The following SRRM4 variants were observed in gnomAD, a reference collection of about 807,000 sequenced individuals.
The protein encoded by SRRM4 is serine/arginine repetitive matrix protein 4.
A neutral mutation model predicts 68.9 loss-of-function variants in SRRM4; 33 were observed. That is an observed-to-expected ratio of 0.48 (90% CI 0.36 to 0.64). The LOEUF (loss-of-function observed/expected upper bound fraction) is 0.64, where lower values mean the gene tolerates loss of function less well. SRRM4 is among the 30% of genes least tolerant of loss of function. The pLI is 0.00. For missense variants in SRRM4, 817 were observed against 827.1 expected, an observed-to-expected ratio of 0.99 and a Z score of 0.15; for synonymous variants, 318 against 318.8, an observed-to-expected ratio of 1.00 and a Z score of 0.03.
chr12:119,124,101 G>C (rs1954241734), intron 6 of SRRM4: 1 of 152,160 alleles, frequency 6.6e-6, no homozygotes, highest in South Asian at 2.1e-4. Flanking sequence ...CTATTTCATA[G>C]GTTATTATGA....
chr12:119,120,208 C>A, intron 4 of SRRM4, 42 bp from the exon 5 acceptor site: 1 of 1,333,886 alleles, frequency 7.5e-7, no homozygotes, highest in Non-Finnish European at 1.0e-6. Context: ...CCTTTTTTTT[C>A]TTTGATTCTT....
At chr12:119,140,115 T>C (rs2136062930) in intron 8 of SRRM4, among the ~76,000 whole-genome samples, 1 of 152,346 alleles carries the variant, frequency 6.6e-6, no homozygotes, top group Admixed American at 6.5e-5. Context: ...GGCTCACGCC[T>C]GTAATCCCAG....
At chr12:119,116,520 T>A (rs1163597223) in intron 3 of SRRM4, among the ~76,000 whole-genome samples, 1 of 152,108 alleles carries the variant, frequency 6.6e-6, no homozygotes, top group Non-Finnish European at 1.5e-5. Flanking sequence ...TGTGAGGTGC[T>A]ATGGTGACTG....
At chr12:119,010,619 C>T (rs934597494) in intron 1 of SRRM4, among the ~76,000 whole-genome samples, 5 of 152,106 alleles carry the variant, frequency 3.3e-5, no homozygotes, top group Non-Finnish European at 7.4e-5. Flanking sequence ...ACTGTTGCAG[C>T]CTTTTGGGAA....
chr12:118,989,519 C>T (rs1953302764), intron 1 of SRRM4, among the ~76,000 whole-genome samples: 1 of 151,970 alleles, frequency 6.6e-6, no homozygotes, highest in Non-Finnish European at 1.5e-5. Context: ...CTCTGTGTAT[C>T]TCTCCCGGCA....
chr12:119,118,223 A>T (rs1038453975), intron 4 of SRRM4, among the ~76,000 whole-genome samples: 1 of 152,238 alleles, frequency 6.6e-6, no homozygotes, highest in Non-Finnish European at 1.5e-5. Flanking sequence ...AGCTCCCTAT[A>T]CAAGTTATTT....
intron 4 of SRRM4, among the ~76,000 whole-genome samples, chr12:119,118,118 C>A (rs1285097487): frequency 6.6e-6 from 1 of 152,182 alleles, no homozygotes; most frequent in Non-Finnish European, 1.5e-5. Context: ...AGTTGCCAAG[C>A]ATTTAGACAG....
At chr12:119,097,047 C>A (rs745718663) in intron 1 of SRRM4, among the ~76,000 whole-genome samples, 7 of 152,198 alleles carry the variant, frequency 4.6e-5, no homozygotes, top group Non-Finnish European at 1.0e-4. Context: ...GTGGCTCCCT[C>A]CCTCCATCTG....
chr12:118,988,403 C>T (rs1953296386), intron 1 of SRRM4, among the ~76,000 whole-genome samples: 1 of 152,130 alleles, frequency 6.6e-6, no homozygotes, highest in Non-Finnish European at 1.5e-5. Flanking sequence ...GGAGGGGAGC[C>T]GTGGAAGGGA....
In SRRM4 at chr12:119,152,830, A is replaced by C. The variant is rs191142727; in HGVS notation, c.1281-709A>C. ...AAAGTGGGAGGCATTAACAGAAAGCAAAGAAGACTAGGAGGAGCATAAGGA... is the reference window on the plus strand; with the variant it reads ...AAAGTGGGAGGCATTAACAGAAAGCCAAGAAGACTAGGAGGAGCATAAGGA... On this transcript the variant is annotated intron_variant, in intron 10 of 12. Transcript: ENST00000267260. 2.0e-5 allele frequency among the ~76,000 whole-genome samples: 3 copies of C among 152,344 alleles called. No individual in the cohort carries two copies. In the East Asian group the frequency reaches 5.8e-4, roughly 29 times the overall value.
chr12:119,086,677 T>G (rs759407504), intron 1 of SRRM4, among the ~76,000 whole-genome samples: 64 of 152,340 alleles, frequency 4.2e-4, no homozygotes, highest in Non-Finnish European at 2.2e-4. Flanking sequence ...GTGCACAGCT[T>G]TCTGGTTGTG....
chr12:119,139,398 A>G (rs554784641), intron 8 of SRRM4, among the ~76,000 whole-genome samples: 4 of 152,158 alleles, frequency 2.6e-5, no homozygotes, highest in Non-Finnish European at 5.9e-5. Flanking sequence ...GAGTGAATGG[A>G]GAGCTCTGCA....
At position 119,100,327 on chromosome 12, in the gene SRRM4, C is replaced by CA. The variant is rs34887621; in HGVS notation, c.132-1893dup. Among the ~76,000 whole-genome samples the CA allele has an allele frequency of 8.9e-3, 938 of 105,410 alleles. 35 individuals carry two copies. Among genetic ancestry groups the CA allele is most frequent in the African/African-American group, 0.027 (733 of 26,818 alleles). 69.2% of individuals were successfully genotyped at this position (105,410 alleles called of 152,430 possible). A position where few individuals can be genotyped will look rare whatever the true frequency, so the allele number is the denominator to read the frequency against. The stretch of plus-strand genomic sequence containing the variant: ...ACAATACAGTGGGACCCTGTCTCTA[C>CA]AAAAAAAAAAAAAAAATCTGGGTGT... On this transcript the variant is annotated intron_variant, in intron 1 of 12. Coordinates refer to ENST00000267260, the MANE Select transcript of SRRM4 (RefSeq NM_194286.4).
chr12:119,080,734 C>T (rs1020291918), intron 1 of SRRM4, among the ~76,000 whole-genome samples: 1 of 152,242 alleles, frequency 6.6e-6, no homozygotes, highest in African/African-American at 2.4e-5. Context: ...TATTTCTCAG[C>T]TATCTCTCAG....
intron 1 of SRRM4, among the ~76,000 whole-genome samples, chr12:119,085,911 A>G (rs760002067): frequency 9.8e-4 from 149 of 152,176 alleles, no homozygotes; most frequent in Non-Finnish European, 1.7e-3. Flanking sequence ...GGAAGCCGGT[A>G]GAGCTAGAGG....
chr12:119,050,285 T>C (rs973592926), intron 1 of SRRM4, among the ~76,000 whole-genome samples: 1 of 152,170 alleles, frequency 6.6e-6, no homozygotes, highest in Non-Finnish European at 1.5e-5. Context: ...TTTAACAGAG[T>C]TCTGGATCTG....
chr12:119,133,783 T>C (rs1954311642), intron 8 of SRRM4, among the ~76,000 whole-genome samples: 1 of 152,372 alleles, frequency 6.6e-6, no homozygotes, highest in East Asian at 1.9e-4. Context: ...GGTCAGGCTC[T>C]GACTTATCTC....
rs1447944509 is a variant in SRRM4 at position 119,114,782 on chromosome 12, A to G, written c.365+418A>G. ...CAGGTTCACTCCATTCTCCTGCCTC[A>G]GCCTCCCGAGTAGCTGTGACTACAG... is the stretch of plus-strand genomic sequence containing the variant. On this transcript the variant is annotated intron_variant, in intron 3 of 12. Coordinates refer to ENST00000267260, the MANE Select transcript of SRRM4 (RefSeq NM_194286.4). Among the ~76,000 whole-genome samples the G allele has an allele frequency of 2.0e-5, 3 of 146,862 alleles. No individual in the cohort carries two copies. In the Admixed American group the frequency reaches 2.1e-4, roughly 10 times the overall value.
intron 1 of SRRM4, among the ~76,000 whole-genome samples, chr12:119,030,854 A>G (rs1169709389): frequency 6.6e-6 from 1 of 152,158 alleles, no homozygotes; most frequent in Non-Finnish European, 1.5e-5. Flanking sequence ...GTTCACCTGT[A>G]TTATAATTGA....
Sources: gnomAD v4.1 joint callset for allele counts (sites outside exome capture counted in the v4.1 genomes callset) on GRCh38, gnomAD v4.1.1 for gene constraint, MANE v1.5 for transcripts, NCBI Gene and HGNC (gene_info 2026-07-23, HGNC 2026-07-21) for gene names.